Variants in CEP350 observed in about 807,000 individuals in gnomAD.
CEP350 encodes the protein centrosomal protein 350.
A neutral mutation model predicts 331.8 loss-of-function variants in CEP350; 126 were observed. That is an observed-to-expected ratio of 0.38 (90% CI 0.33 to 0.44). CEP350 has a LOEUF of 0.44. Ranked by LOEUF, CEP350 falls within the 20% of genes least tolerant of loss-of-function variation. CEP350 has a pLI of 1.00. For synonymous variants in CEP350, 1,200 were observed against 1,259.5 expected (o/e 0.95, Z 1.00); for missense variants, 3,406 against 3,634.6 (o/e 0.94, Z 1.62).
chr1:179,996,465 G>A, intron 5 of CEP350, 88 bp from the exon 6 acceptor site: 1 of 928,716 alleles, frequency 1.1e-6, no homozygotes, highest in Non-Finnish European at 1.6e-6. Context: ...TTTTTGTGGT[G>A]AGAACACTTA....
intron 1 of CEP350, among the ~76,000 whole-genome samples, chr1:179,969,957 A>T (rs1651313326): frequency 3.3e-5 from 5 of 152,202 alleles, no homozygotes; most frequent in Admixed American, 2.6e-4. Flanking sequence ...AAACTGTAAG[A>T]CACCTTTTTG....
chr1:180,026,645 G>GT, intron 14 of CEP350, among the ~76,000 whole-genome samples: 1 of 152,254 alleles, frequency 6.6e-6, no homozygotes, highest in East Asian at 1.9e-4. Flanking sequence ...TCAGCCGCTG[G>GT]TAACCACTGT....
At position 180,065,010 on chromosome 1, in the gene CEP350, T is replaced by G. The variant is rs942382629; in HGVS notation, c.5410-105T>G. The G allele has an allele frequency of 4.9e-6, 6 of 1,218,520 alleles. No homozygotes were observed. The African/African-American group carries it at 7.8e-5, about 16-fold the overall frequency. The allele number at this position is 1,218,520 out of a possible 1,614,324, so 75.5% of individuals were successfully genotyped here. A position where few individuals can be genotyped will look rare whatever the true frequency, so the allele number is the denominator to read the frequency against. ...TTATTATCTTATTTTCAACTATTGT[T>G]ATAAACATTGTATTGTGGATAAACT... On this transcript the variant is annotated intron_variant, in intron 26 of 37. Transcript: ENST00000367607.
rs751422151 is a variant in CEP350, at chr1:179,992,120, A to G, written c.294A>G (p.Ser98=). ...CTCCAATCTCCAAATCCACTAAATC[A>G]CGAAAAGAGAAATCTCGTAGTCCTC... ...VNAPISKSTK[S]RKEKSRSPLR... Residue 98 remains serine, a synonymous_variant, in exon 5 of 38, where the codon TCA becomes TCG. Transcript: ENST00000367607. 1.9e-6 allele frequency: 3 copies of G among 1,554,030 alleles called. No homozygotes were observed. In the Admixed American group the frequency reaches 6.1e-5, roughly 32 times the overall value.
At chr1:180,066,881 T>C (rs1280914378) in intron 27 of CEP350, among the ~76,000 whole-genome samples, 2 of 152,214 alleles carry the variant, frequency 1.3e-5, no homozygotes, top group Non-Finnish European at 1.5e-5. Flanking sequence ...AATTTGACAT[T>C]GTAGATCTGC....
intron 37 of CEP350, among the ~76,000 whole-genome samples, chr1:180,103,260 G>T (rs1660930545): frequency 6.6e-6 from 1 of 152,200 alleles, no homozygotes; most frequent in South Asian, 2.1e-4. Flanking sequence ...AGATGGAGCT[G>T]CCATTTTGAA....
intron 27 of CEP350, among the ~76,000 whole-genome samples, chr1:180,071,887 G>T (rs1381022908): frequency 6.6e-6 from 1 of 152,084 alleles, no homozygotes; most frequent in Non-Finnish European, 1.5e-5. Context: ...TCTTATTCTT[G>T]TCCAGTGTTC....
chr1:180,106,518 T>C (rs1271353719), intron 37 of CEP350, among the ~76,000 whole-genome samples: 2 of 152,212 alleles, frequency 1.3e-5, no homozygotes, highest in African/African-American at 4.8e-5. Flanking sequence ...GCTCTGTCAG[T>C]GTCCCTCTTT....
intron 1 of CEP350, among the ~76,000 whole-genome samples, chr1:179,957,497 T>TA (rs1448647496): frequency 6.6e-6 from 1 of 152,226 alleles, no homozygotes; most frequent in Non-Finnish European, 1.5e-5. Context: ...ATCTGGTCTG[T>TA]AAGTTCCATG....
chr1:179,971,496 A>AT (rs1558070032), intron 1 of CEP350, among the ~76,000 whole-genome samples: 12 of 147,794 alleles, frequency 8.1e-5, no homozygotes, highest in South Asian at 6.6e-4. Flanking sequence ...GCTAATTAAA[A>AT]ATTTTTTTTT....
At chr1:179,968,232 G>A (rs1357854442) in intron 1 of CEP350, among the ~76,000 whole-genome samples, 1 of 151,774 alleles carries the variant, frequency 6.6e-6, no homozygotes, top group Non-Finnish European at 1.5e-5. Context: ...TAGGGAGGCT[G>A]AGGCAAGAGA....
chr1:180,047,739 C>T lies in CEP350; in HGVS notation c.4623-797C>T, dbSNP rs149269173. On this transcript the variant is annotated intron_variant, in intron 21 of 37. Transcript: ENST00000367607. Reference sequence around the variant, plus strand: ...TTGTGCCACTGCACTCCAGCCTGGGCGACAGAATGAAACTCCTCAAAAAAA... The same window carrying T: ...TTGTGCCACTGCACTCCAGCCTGGGTGACAGAATGAAACTCCTCAAAAAAA... Among the ~76,000 whole-genome samples the T allele has an allele frequency of 4.8e-3, 513 of 107,148 alleles. 6 individuals carry two copies. Among genetic ancestry groups the T allele is most frequent in the African/African-American group, 0.018 (481 of 27,040 alleles). The allele number at this position is 107,148 out of a possible 152,430, so 70.3% of individuals were successfully genotyped here. A position where few individuals can be genotyped will look rare whatever the true frequency, so the allele number is the denominator to read the frequency against.
chr1:180,090,906 A>C (rs1660155861), intron 33 of CEP350, 110 bp downstream of exon 33: 1 of 894,688 alleles, frequency 1.1e-6, no homozygotes, highest in African/African-American at 1.7e-5. Context: ...TGAATTTCTT[A>C]AGTAGATTAT....
At chr1:180,052,236 G>C (rs78927829) in intron 22 of CEP350, 1 of 453,666 alleles carries the variant, frequency 2.2e-6, no homozygotes, top group African/African-American at 2.0e-5. Flanking sequence ...ACGGGGTCTT[G>C]CTCTGTCACC....
intron 25 of CEP350, among the ~76,000 whole-genome samples, chr1:180,057,085 A>G (rs1393247682): frequency 6.8e-6 from 1 of 147,570 alleles, no homozygotes; most frequent in Admixed American, 6.7e-5. Context: ...CTACCCTTTA[A>G]TCTACTTTTC....
At chr1:180,013,270 A>T (rs971361880) in intron 9 of CEP350, among the ~76,000 whole-genome samples, 6 of 152,212 alleles carry the variant, frequency 3.9e-5, no homozygotes, top group Non-Finnish European at 8.8e-5. Context: ...TGATAAACTT[A>T]CCTGAACATG....
At chr1:180,092,527 A>C (rs1231324280) in intron 33 of CEP350, 87 bp from the exon 34 acceptor site, 1 of 979,532 alleles carries the variant, frequency 1.0e-6, no homozygotes, top group Non-Finnish European at 1.4e-6. Context: ...TTTTCACTAA[A>C]ATTTGGCTTT....
At chr1:180,064,704 TC>T (rs1274616878) in intron 26 of CEP350, among the ~76,000 whole-genome samples, 1 of 152,210 alleles carries the variant, frequency 6.6e-6, no homozygotes, top group Non-Finnish European at 1.5e-5. Flanking sequence ...TGTTACATCT[TC>T]CAGTCATTCT....
intron 26 of CEP350, among the ~76,000 whole-genome samples, chr1:180,063,787 T>G (rs1658385607): frequency 1.4e-5 from 2 of 147,760 alleles, no homozygotes; most frequent in Admixed American, 1.4e-4. Flanking sequence ...CACTCCAGCC[T>G]AGGTGATAAA....
Sources: gnomAD v4.1 joint callset for allele counts (sites outside exome capture counted in the v4.1 genomes callset) on GRCh38, gnomAD v4.1.1 for gene constraint, MANE v1.5 for transcripts, NCBI Gene and HGNC (gene_info 2026-07-23, HGNC 2026-07-21) for gene names.